Variants in NCOA7 observed in about 807,000 individuals in gnomAD.
NCOA7 encodes the protein nuclear receptor coactivator 7.
A neutral mutation model predicts 104.3 loss-of-function variants in NCOA7; 45 were observed. The ratio of observed to expected loss-of-function variants is 0.43; its 90% CI spans 0.34 to 0.55. NCOA7 has a LOEUF of 0.55. Among genes scored for constraint, NCOA7 ranks in the 20% least tolerant of loss-of-function variants. NCOA7 has a pLI of 0.02. For missense variants in NCOA7, 1,041 were observed against 1,119.7 expected (o/e 0.93, Z 1.00); for synonymous variants, 398 against 402.3 (o/e 0.99, Z 0.13).
chr6:125,783,415 G>C (rs962902513), intron 1 of NCOA7, among the ~76,000 whole-genome samples: 3 of 152,276 alleles, frequency 2.0e-5, no homozygotes, highest in Admixed American at 6.5e-5. Flanking sequence ...ATCAATTATT[G>C]CTATAGTGAT....
intron 2 of NCOA7, among the ~76,000 whole-genome samples, chr6:125,832,882 G>A (rs1779302480): frequency 6.6e-6 from 1 of 152,210 alleles, no homozygotes; most frequent in Non-Finnish European, 1.5e-5. Context: ...TTTCAGGTCT[G>A]TGGGACATCG....
At chr6:125,804,020 A>G (rs1224199625) in intron 1 of NCOA7, among the ~76,000 whole-genome samples, 1 of 151,754 alleles carries the variant, frequency 6.6e-6, no homozygotes, top group Non-Finnish European at 1.5e-5. Flanking sequence ...CCATGATGGC[A>G]TTTACTGTGA....
Position 125,929,429 on chromosome 6 carries a change from T to G in NCOA7, c.*658T>G, listed in dbSNP as rs1460658734. On this transcript the variant is annotated 3_prime_UTR_variant, in exon 16 of 16. Coordinates refer to ENST00000392477, the MANE Select transcript of NCOA7 (RefSeq NM_181782.5). ...TTGAATTTTTTTTGCCCTGATTGTT[T>G]AGGGTGATAGGTCTTAAGCAGCATA... The G allele has an allele frequency of 6.8e-6, 1 of 146,080 alleles. No homozygotes were observed. The highest frequency in any genetic ancestry group is 2.6e-5 in the African/African-American group (1 of 38,132). 9.0% of individuals were successfully genotyped at this position (146,080 alleles called of 1,614,324 possible).
intron 2 of NCOA7, among the ~76,000 whole-genome samples, chr6:125,844,262 A>G (rs1300245267): frequency 1.3e-5 from 2 of 152,250 alleles, no homozygotes; most frequent in Non-Finnish European, 2.9e-5. Context: ...TATTGAACAC[A>G]AAGCCAAAGA....
At position 125,865,345 on chromosome 6, in the gene NCOA7, A is replaced by G. The variant is rs1288824475; in HGVS notation, c.272-9544A>G. On this transcript the variant is annotated intron_variant, in intron 3 of 15. Transcript: ENST00000392477. ...TAAGCCTTGCATTTTAGATTTTAGC[A>G]CAGTATGACTCATTTTAGTCGAGAA... is the stretch of plus-strand genomic sequence containing the variant. Among the ~76,000 whole-genome samples the G allele has an allele frequency of 1.4e-4, 20 of 138,306 alleles. 8 individuals are homozygous for G. The highest frequency in any genetic ancestry group is 3.7e-3 in the Middle Eastern group (1 of 268). 90.7% of individuals were successfully genotyped at this position (138,306 alleles called of 152,430 possible).
Position 125,889,497 on chromosome 6 carries a change from G to T in NCOA7, c.1443G>T (p.Ala481=). The change falls in exon 9 of 16, where the codon GCG becomes GCT. Residue 481 remains alanine (A), a synonymous_variant. Coordinates refer to ENST00000392477, the MANE Select transcript of NCOA7 (RefSeq NM_181782.5). ...AGAATGATGTTGAACTGAAGGGGGC[G>T]CTAGATTTAGAAACCTGTGAGAAGC... The part of the protein sequence containing the change: ...GTENDVELKG[A]LDLETCEKQD... 6.2e-7 allele frequency: 1 copy of T among 1,614,090 alleles called. No individual in the cohort carries two copies. The highest frequency in any genetic ancestry group is 8.5e-7 in the Non-Finnish European group (1 of 1,179,996).
chr6:125,911,630 T>A (rs987743965), intron 10 of NCOA7, among the ~76,000 whole-genome samples: 4 of 152,222 alleles, frequency 2.6e-5, no homozygotes, highest in African/African-American at 7.2e-5. Flanking sequence ...TGTAACTTCT[T>A]CATGCTGAAT....
At chr6:125,872,477 A>C (rs1783013906) in intron 3 of NCOA7, among the ~76,000 whole-genome samples, 2 of 152,228 alleles carry the variant, frequency 1.3e-5, no homozygotes, top group Non-Finnish European at 2.9e-5. Context: ...GAAGACCTAA[A>C]GTGACAGCTG....
At chr6:125,919,126 C>T in intron 11 of NCOA7, 7 of 950,370 alleles carry the variant, frequency 7.4e-6, no homozygotes, top group Non-Finnish European at 9.1e-6. Flanking sequence ...TTTACAGTCT[C>T]ACAGCGATGC....
intron 13 of NCOA7, among the ~76,000 whole-genome samples, chr6:125,925,692 G>T (rs2128701689): frequency 6.6e-6 from 1 of 152,208 alleles, no homozygotes; most frequent in East Asian, 1.9e-4. Flanking sequence ...TTTTATGTCT[G>T]CTAAGGAAGT....
chr6:125,882,653 A>G, intron 7 of NCOA7, 102 bp downstream of exon 7: 1 of 1,400,240 alleles, frequency 7.1e-7, no homozygotes, highest in Non-Finnish European at 9.6e-7. Context: ...ATCTTACCCA[A>G]AGTGTCAATT....
At chr6:125,928,037 A>C in intron 14 of NCOA7, 137 bp from the exon 15 acceptor site, 1 of 827,776 alleles carries the variant, frequency 1.2e-6, no homozygotes, top group African/African-American at 1.7e-5. Flanking sequence ...GGTGTGGGCC[A>C]GGTCTGGCAG....
At chr6:125,893,994 C>T (rs1784810604) in intron 10 of NCOA7, among the ~76,000 whole-genome samples, 1 of 152,182 alleles carries the variant, frequency 6.6e-6, no homozygotes, top group Non-Finnish European at 1.5e-5. Flanking sequence ...CTGGGGAGAT[C>T]TGCAGTTTCC....
chr6:125,916,991 A>G (rs890495027), intron 11 of NCOA7, among the ~76,000 whole-genome samples: 4 of 152,190 alleles, frequency 2.6e-5, no homozygotes, highest in Non-Finnish European at 4.4e-5. Context: ...AAGATCTTAC[A>G]TATGGACTGT....
intron 1 of NCOA7, among the ~76,000 whole-genome samples, chr6:125,800,090 A>G (rs367700187): frequency 1.3e-5 from 2 of 152,262 alleles, no homozygotes; most frequent in Admixed American, 1.3e-4. Context: ...GGGGGCTAGT[A>G]ATATAATATA....
chr6:125,849,717 T>C lies in NCOA7; in HGVS notation c.51-5303T>C, dbSNP rs144249321. On this transcript the variant is annotated intron_variant, in intron 2 of 15. Transcript: ENST00000392477. ...GGAAAGATAGGATTAGAAGATAGAA[T>C]TGACAAGTCTTGACTACAATTTAAA... Among the ~76,000 whole-genome samples the C allele has an allele frequency of 6.3e-4, 96 of 152,330 alleles. 1 individual carries two copies. The East Asian group carries it at 0.016, about 25-fold the overall frequency.
At chr6:125,829,296 T>A (rs528434957) in intron 2 of NCOA7, among the ~76,000 whole-genome samples, 17 of 152,346 alleles carry the variant, frequency 1.1e-4, no homozygotes, top group Middle Eastern at 3.4e-3. Context: ...AAGAGACAGA[T>A]GTACAATGCT....
At position 125,855,299 on chromosome 6, in the gene NCOA7, A is replaced by G. The variant is rs750324892; in HGVS notation, c.271+59A>G. ...TTTAAAAAATCTATAAGAATTTTTA[A>G]AAGACTATCATTTGTGATTGATCAT... On this transcript the variant is annotated intron_variant, in intron 3 of 15. Transcript: ENST00000392477. 26 of 1,308,354 alleles carry G rather than the reference A, an allele frequency of 2.0e-5. No homozygotes were observed. The African/African-American group carries it at 3.4e-4, about 17-fold the overall frequency. 81.0% of individuals were successfully genotyped at this position (1,308,354 alleles called of 1,614,324 possible). A position where few individuals can be genotyped will look rare whatever the true frequency, so the allele number is the denominator to read the frequency against.
chr6:125,920,112 A>T (rs916553103), intron 11 of NCOA7, among the ~76,000 whole-genome samples: 4 of 152,262 alleles, frequency 2.6e-5, no homozygotes, highest in Admixed American at 6.5e-5. Flanking sequence ...ATTCATAAGC[A>T]TAGCTAGAGT....
Sources: allele counts gnomAD v4.1 joint callset (sites outside exome capture counted in the v4.1 genomes callset), GRCh38; gene constraint gnomAD v4.1.1; transcripts MANE v1.5; gene names NCBI Gene and HGNC (gene_info 2026-07-23, HGNC 2026-07-21).